OSBPL6: variants seen among roughly 807,000 people sequenced by gnomAD.
The protein encoded by OSBPL6 is oxysterol binding protein like 6.
OSBPL6 carries 49 observed loss-of-function variants against 125.8 expected under a neutral mutation model. That is an observed-to-expected ratio of 0.39 (90% CI 0.31 to 0.49). The LOEUF (loss-of-function observed/expected upper bound fraction) is 0.49. Ranked by LOEUF, OSBPL6 falls within the 20% of genes least tolerant of loss-of-function variation. The pLI is 0.88. For synonymous variants in OSBPL6, 394 were observed against 391.8 expected (o/e 1.01, Z -0.07); for missense variants, 986 against 1,135.4 (o/e 0.87, Z 1.89).
chr2:178,212,889 C>T (rs1015053856), intron 1 of OSBPL6, among the ~76,000 whole-genome samples: 5 of 151,808 alleles, frequency 3.3e-5, no homozygotes, highest in Non-Finnish European at 7.4e-5. Flanking sequence ...CTGACTGCAA[C>T]CTCCACCTCC....
At chr2:178,209,214 G>A (rs1035854257) in intron 1 of OSBPL6, among the ~76,000 whole-genome samples, 23 of 151,692 alleles carry the variant, frequency 1.5e-4, no homozygotes, top group African/African-American at 5.6e-4. Context: ...TCTTTTTCTG[G>A]AATTCTGATT....
chr2:178,284,836 G>A, intron 1 of OSBPL6, 91 bp from the exon 2 acceptor site: 1 of 389,340 alleles, frequency 2.6e-6, no homozygotes, highest in Non-Finnish European at 4.5e-6. Flanking sequence ...AAATTGGGAG[G>A]AATTTTCTGA....
chr2:178,207,562 T>C (rs1198903104), intron 1 of OSBPL6, among the ~76,000 whole-genome samples: 1 of 152,138 alleles, frequency 6.6e-6, no homozygotes, highest in African/African-American at 2.4e-5. Flanking sequence ...TCGGTGTGTA[T>C]TTTTCAGCCA....
intron 1 of OSBPL6, among the ~76,000 whole-genome samples, chr2:178,227,997 T>C (rs903387293): frequency 1.3e-5 from 2 of 152,076 alleles, no homozygotes; most frequent in Non-Finnish European, 2.9e-5. Flanking sequence ...TTATGTTTAA[T>C]TTAATTATGT....
intron 1 of OSBPL6, among the ~76,000 whole-genome samples, chr2:178,271,337 C>T (rs1009588423): frequency 6.6e-6 from 1 of 152,012 alleles, no homozygotes; most frequent in African/African-American, 2.4e-5. Flanking sequence ...ACTGTGGAAA[C>T]CAAATGGAAA....
intron 4 of OSBPL6, 57 bp downstream of exon 4, chr2:178,324,326 T>C: frequency 3.1e-6 from 4 of 1,290,926 alleles, no homozygotes; most frequent in South Asian, 1.3e-5. Context: ...CTGGGGCCAA[T>C]TGAACTGTGA....
intron 1 of OSBPL6, among the ~76,000 whole-genome samples, chr2:178,279,934 T>A (rs1046429048): frequency 6.6e-6 from 1 of 152,142 alleles, no homozygotes; most frequent in Non-Finnish European, 1.5e-5. Context: ...GTGCGGTGGC[T>A]CACACCTGGA....
chr2:178,389,258 C>A, intron 21 of OSBPL6, 105 bp downstream of exon 21: 2 of 1,113,994 alleles, frequency 1.8e-6, no homozygotes, highest in African/African-American at 3.1e-5. Flanking sequence ...TGTCCTGTAT[C>A]ATTGGTCCTT....
At chr2:178,247,019 C>G (rs1029348484) in intron 1 of OSBPL6, among the ~76,000 whole-genome samples, 19 of 150,280 alleles carry the variant, frequency 1.3e-4, no homozygotes, top group Admixed American at 2.6e-4. Context: ...CCTCCCCACC[C>G]CCCCATGTTA....
At chr2:178,194,766 A>C (rs2153917640) in intron 1 of OSBPL6, 92 bp downstream of exon 1, 1 of 152,396 alleles carries the variant, frequency 6.6e-6, no homozygotes, top group South Asian at 2.1e-4. Context: ...CGGCGGGCCG[A>C]GGACCCCGAG....
At chr2:178,391,052 A>G in intron 21 of OSBPL6, 21 bp from the exon 22 acceptor site, 1 of 1,612,502 alleles carries the variant, frequency 6.2e-7, no homozygotes, top group Non-Finnish European at 8.5e-7. Flanking sequence ...AAATGTCACA[A>G]TTGGGGTTTG....
At chr2:178,328,231 A>G in intron 4 of OSBPL6, 25 bp from the exon 5 acceptor site, 6 of 1,611,994 alleles carry the variant, frequency 3.7e-6, no homozygotes, top group Non-Finnish European at 3.4e-6. Context: ...GTAACATGTG[A>G]TTTGTTTTTC....
intron 1 of OSBPL6, among the ~76,000 whole-genome samples, chr2:178,272,280 ACT>A (rs746930030): frequency 1.3e-5 from 2 of 152,168 alleles, no homozygotes; most frequent in Non-Finnish European, 2.9e-5. Context: ...GTTTGGATAT[ACT>A]TTTGTTAATC....
At chr2:178,382,765 T>C (rs1250084794) in intron 16 of OSBPL6, 5 of 1,428,188 alleles carry the variant, frequency 3.5e-6, no homozygotes, top group Non-Finnish European at 1.8e-6. Flanking sequence ...ATTAAATGTA[T>C]TTAATTTTTT....
chr2:178,318,770 G>T (rs894815782), intron 3 of OSBPL6, among the ~76,000 whole-genome samples: 1 of 152,178 alleles, frequency 6.6e-6, no homozygotes, highest in South Asian at 2.1e-4. Flanking sequence ...GTCATGGAAG[G>T]CACGGCTTCC....
intron 3 of OSBPL6, among the ~76,000 whole-genome samples, chr2:178,310,915 C>T (rs1427417710): frequency 2.0e-5 from 3 of 152,170 alleles, no homozygotes; most frequent in Non-Finnish European, 2.9e-5. Context: ...TCTGAGCCAC[C>T]GTCATTTCTC....
At chr2:178,365,423 T>A (rs1692739524) in intron 13 of OSBPL6, among the ~76,000 whole-genome samples, 1 of 152,168 alleles carries the variant, frequency 6.6e-6, no homozygotes, top group South Asian at 2.1e-4. Context: ...CAAACAAAAA[T>A]TTGCAAGGCT....
At position 178,236,513 on chromosome 2, in the gene OSBPL6, G is replaced by C. The variant is rs971163458; in HGVS notation, c.-351+41839G>C. On this transcript the variant is annotated intron_variant, in intron 1 of 24. Transcript: ENST00000190611. ...TGGGCCTGCTACCCCTGGTGACAGG[G>C]AACTTGGTCACTCAGCCAGTCTCTA... Among the ~76,000 whole-genome samples the C allele has an allele frequency of 3.3e-5, 5 of 152,304 alleles. No individual in the cohort carries two copies. In the South Asian group the frequency reaches 8.3e-4, roughly 25 times the overall value.
intron 5 of OSBPL6, among the ~76,000 whole-genome samples, chr2:178,330,007 A>G (rs185347405): frequency 6.6e-6 from 1 of 152,248 alleles, no homozygotes; most frequent in Admixed American, 6.5e-5. Flanking sequence ...GTCAGAAACG[A>G]TCTTTCCTGA....
Sources: allele counts gnomAD v4.1 joint callset (sites outside exome capture counted in the v4.1 genomes callset), GRCh38; gene constraint gnomAD v4.1.1; transcripts MANE v1.5; gene names NCBI Gene and HGNC (gene_info 2026-07-23, HGNC 2026-07-21).